The following TYW3 variants were observed in gnomAD, a reference collection of about 807,000 sequenced individuals.
TYW3 encodes tRNA-yW synthesizing protein 3 homolog, also known as tRNA wybutosine-synthesizing protein 3 homolog.
TYW3 carries 26 observed loss-of-function variants against 23.1 expected under a neutral mutation model. The ratio of observed to expected loss-of-function variants is 1.13; its 90% CI spans 0.83 to 1.56. TYW3 has a LOEUF of 1.56. TYW3 is among the 40% of genes most tolerant of loss of function. TYW3 has a pLI of 0.00. For synonymous variants in TYW3, 102 were observed against 105.7 expected, an observed-to-expected ratio of 0.97 and a Z score of 0.21; for missense variants, 316 against 311.9, an observed-to-expected ratio of 1.01 and a Z score of -0.10.
rs559231381 is a variant in TYW3 at position 74,748,671 on chromosome 1, T to C, written c.355-80T>C. The C allele has an allele frequency of 1.4e-4, 190 of 1,405,478 alleles. 4 individuals carry two copies. The South Asian group carries it at 2.1e-3, about 16-fold the overall frequency. The allele number at this position is 1,405,478 out of a possible 1,614,324, so 87.1% of individuals were successfully genotyped here. ...CCTTAATAGCTTTTAGGGTTATATA[T>C]GTTTCTGTAGTTTGTGGAGCCAAAC... On this transcript the variant is annotated intron_variant, in intron 3 of 5. Transcript: ENST00000370867.
rs560484390 is a variant in TYW3, at chr1:74,757,437, A to T, written c.560+5012A>T. On this transcript the variant is annotated intron_variant, in intron 5 of 5. Transcript: ENST00000370867. ...GTGAGACATGGAGTCAAAGGAGATC[A>T]TTTTGGAGCTTTAATGTTTGACTGC... 2.0e-5 allele frequency among the ~76,000 whole-genome samples: 3 copies of T among 152,342 alleles called. No homozygotes were observed. The East Asian group carries it at 5.8e-4, about 29-fold the overall frequency.
chr1:74,745,123 C>T (rs189025768), intron 3 of TYW3, among the ~76,000 whole-genome samples: 2 of 152,194 alleles, frequency 1.3e-5, no homozygotes, highest in African/African-American at 4.8e-5. Flanking sequence ...TTTGTTCCTC[C>T]CGGTGGGCGA....
chr1:74,754,949 G>A (rs990215682), intron 5 of TYW3, among the ~76,000 whole-genome samples: 2 of 152,136 alleles, frequency 1.3e-5, no homozygotes, highest in African/African-American at 4.8e-5. Context: ...GACTACAAGA[G>A]GAAGGCTATC....
chr1:74,763,550 T>C (rs968406155), intron 5 of TYW3, among the ~76,000 whole-genome samples: 1 of 152,136 alleles, frequency 6.6e-6, no homozygotes, highest in Non-Finnish European at 1.5e-5. Flanking sequence ...AGGTGATCTG[T>C]ATTTGTAACC....
At chr1:74,756,650 A>C (rs448759) in intron 5 of TYW3, among the ~76,000 whole-genome samples, 151,773 of 152,324 alleles carry the variant, frequency 1, 75,615 homozygotes, top group East Asian at 1. Context: ...AACTTGCAGC[A>C]TGACAATGTG....
chr1:74,765,789 A>G lies in TYW3; in HGVS notation c.*1676A>G, dbSNP rs564346253. 2.6e-5 allele frequency: 4 copies of G among 152,226 alleles called. No homozygotes were observed. In the East Asian group the frequency reaches 7.7e-4, roughly 29 times the overall value. 9.4% of individuals were successfully genotyped at this position (152,226 alleles called of 1,614,324 possible). A position where few individuals can be genotyped will look rare whatever the true frequency, so the allele number is the denominator to read the frequency against. The stretch of plus-strand genomic sequence containing the variant: ...ATTTAAATTGATCTCCAAGAAAACT[A>G]TGTATTTTAAAGATTCCATAAACTG... On this transcript the variant is annotated 3_prime_UTR_variant, in exon 6 of 6. Coordinates refer to ENST00000370867, the MANE Select transcript of TYW3 (RefSeq NM_138467.3).
intron 5 of TYW3, among the ~76,000 whole-genome samples, chr1:74,753,365 A>T (rs879541189): frequency 6.6e-6 from 1 of 152,172 alleles, no homozygotes; most frequent in Non-Finnish European, 1.5e-5. Flanking sequence ...TCTTTATCAA[A>T]TCATGTTTGT....
At chr1:74,743,038 T>C (rs146309308) in intron 3 of TYW3, among the ~76,000 whole-genome samples, 5 of 152,286 alleles carry the variant, frequency 3.3e-5, no homozygotes, top group Non-Finnish European at 5.9e-5. Flanking sequence ...CCCTGAGTCC[T>C]GTTGTTGGGT....
intron 2 of TYW3, among the ~76,000 whole-genome samples, chr1:74,738,132 C>T (rs1429448114): frequency 6.6e-6 from 1 of 151,744 alleles, no homozygotes; most frequent in Non-Finnish European, 1.5e-5. Flanking sequence ...AAAAAAACTG[C>T]AAGTTGCAAT....
Position 74,764,322 on chromosome 1 carries a change from C to A in TYW3, c.*209C>A. On this transcript the variant is annotated 3_prime_UTR_variant, in exon 6 of 6. Transcript: ENST00000370867. ...GTACCCGGCTTATCCTACGACTTCA[C>A]CTGAAATGCTATAGTTATCCCTACT... 1 of 440,154 alleles carries A rather than the reference C, an allele frequency of 2.3e-6. No homozygotes were observed. 27.3% of individuals were successfully genotyped at this position (440,154 alleles called of 1,614,324 possible).
intron 1 of TYW3, 112 bp downstream of exon 1, chr1:74,733,530 G>A (rs745108): frequency 0.16 from 236,195 of 1,469,574 alleles, 29,535 homozygotes; most frequent in East Asian, 0.72. Context: ...CTCCTCTGAG[G>A]GGTGGTCTCT....
intron 3 of TYW3, among the ~76,000 whole-genome samples, chr1:74,741,757 G>C (rs1169260854): frequency 6.6e-6 from 1 of 152,210 alleles, no homozygotes; most frequent in Non-Finnish European, 1.5e-5. Context: ...GCCCCATTTT[G>C]TGAGGACAAT....
At position 74,766,012 on chromosome 1, in the gene TYW3, C is replaced by T. The variant is rs1295794042; in HGVS notation, c.*1899C>T. ...TTCATGAGCTACATAACATTTTAAT[C>T]ATCAATGATGGACCATATACCATAT... is the stretch of plus-strand genomic sequence containing the variant. On this transcript the variant is annotated 3_prime_UTR_variant, in exon 6 of 6. Transcript: ENST00000370867. The T allele has an allele frequency of 6.6e-6, 1 of 152,102 alleles. No individual in the cohort carries two copies. The highest frequency in any genetic ancestry group is 2.4e-5 in the African/African-American group (1 of 41,420). The allele number at this position is 152,102 out of a possible 1,614,324, so 9.4% of individuals were successfully genotyped here. A position where few individuals can be genotyped will look rare whatever the true frequency, so the allele number is the denominator to read the frequency against.
At chr1:74,743,732 G>C (rs570481417) in intron 3 of TYW3, among the ~76,000 whole-genome samples, 1 of 152,142 alleles carries the variant, frequency 6.6e-6, no homozygotes, top group African/African-American at 2.4e-5. Context: ...TGGGGAATTT[G>C]TCCCTTTCTT....
At chr1:74,763,037 A>C (rs1440557097) in intron 5 of TYW3, among the ~76,000 whole-genome samples, 1 of 152,206 alleles carries the variant, frequency 6.6e-6, no homozygotes, top group Admixed American at 6.6e-5. Flanking sequence ...CTTACAAAGA[A>C]ATGAAAGTTA....
chr1:74,743,100 C>T (rs751920568), intron 3 of TYW3, among the ~76,000 whole-genome samples: 29 of 152,186 alleles, frequency 1.9e-4, no homozygotes, highest in Admixed American at 3.9e-4. Context: ...TGGGGCAGTG[C>T]ACCTTCCAGT....
chr1:74,757,238 A>G (rs993886452), intron 5 of TYW3, among the ~76,000 whole-genome samples: 3 of 152,180 alleles, frequency 2.0e-5, no homozygotes, highest in Admixed American at 1.3e-4. Flanking sequence ...ACCATCCTCC[A>G]GACCCCAGAA....
intron 2 of TYW3, among the ~76,000 whole-genome samples, chr1:74,737,157 A>G (rs1648182267): frequency 6.6e-6 from 1 of 152,196 alleles, no homozygotes; most frequent in Non-Finnish European, 1.5e-5. Flanking sequence ...GTTTTTAGCA[A>G]AAAAGATAAT....
intron 3 of TYW3, among the ~76,000 whole-genome samples, chr1:74,741,572 C>T (rs890484920): frequency 6.6e-6 from 1 of 152,168 alleles, no homozygotes; most frequent in Non-Finnish European, 1.5e-5. Context: ...CACTGGATCT[C>T]CTGGTTGAAA....
Sources: gnomAD v4.1 joint callset for allele counts (sites outside exome capture counted in the v4.1 genomes callset) on GRCh38, gnomAD v4.1.1 for gene constraint, MANE v1.5 for transcripts, NCBI Gene and HGNC (gene_info 2026-07-23, HGNC 2026-07-21) for gene names.